Variants in CNTNAP5 observed in about 807,000 individuals in gnomAD.
CNTNAP5 encodes the protein contactin associated protein family member 5, also known as contactin-associated protein-like 5.
A neutral mutation model predicts 150.2 loss-of-function variants in CNTNAP5; 72 were observed. The ratio of observed to expected loss-of-function variants is 0.48; its 90% CI spans 0.40 to 0.58. The LOEUF (loss-of-function observed/expected upper bound fraction) is 0.58. CNTNAP5 is among the 20% of genes least tolerant of loss of function. The pLI is 0.00. For synonymous variants in CNTNAP5, 672 were observed against 619.8 expected (o/e 1.08, Z -1.25); for missense variants, 1,636 against 1,626.2 (o/e 1.01, Z -0.10).
intron 19 of CNTNAP5, among the ~76,000 whole-genome samples, chr2:124,849,600 T>C (rs1683115106): frequency 6.6e-6 from 1 of 152,220 alleles, no homozygotes; most frequent in Admixed American, 6.5e-5. Flanking sequence ...AAGAACTGCA[T>C]TGAATTTGTA....
intron 5 of CNTNAP5, among the ~76,000 whole-genome samples, chr2:124,436,439 T>C (rs919468356): frequency 2.0e-5 from 3 of 152,214 alleles, no homozygotes; most frequent in African/African-American, 7.2e-5. Flanking sequence ...GGTGGATGTC[T>C]TCTGAGCCTC....
At chr2:124,577,821 G>A (rs528190884) in intron 11 of CNTNAP5, among the ~76,000 whole-genome samples, 3 of 152,256 alleles carry the variant, frequency 2.0e-5, no homozygotes, top group South Asian at 2.1e-4. Flanking sequence ...ATGACAGAGG[G>A]TCAAGAATCA....
chr2:124,251,704 T>C (rs1349401616), intron 3 of CNTNAP5, among the ~76,000 whole-genome samples: 1 of 152,122 alleles, frequency 6.6e-6, no homozygotes, highest in Non-Finnish European at 1.5e-5. Flanking sequence ...TATGCACAGA[T>C]GGGCACATAG....
chr2:124,517,176 TGTTGTGGTGTTGGTGGTGGAGG>T lies in CNTNAP5; in HGVS notation c.1328-7096_1328-7075del, dbSNP rs1294769142. Among the ~76,000 whole-genome samples, 373 of 139,208 alleles carry T rather than the reference TGTTGTGGTGTTGGTGGTGGAGG, an allele frequency of 2.7e-3. 2 individuals are homozygous for T. The highest frequency in any genetic ancestry group is 4.2e-3 in the Non-Finnish European group (266 of 63,364). 91.3% of individuals were successfully genotyped at this position (139,208 alleles called of 152,430 possible). On this transcript the variant is annotated intron_variant, in intron 8 of 23. Coordinates refer to ENST00000682447, the MANE Select transcript of CNTNAP5 (RefSeq NM_001367498.1). ...GAGCATTGTGGTATTGGTGATGGAGTGTTGTGGTGTTGGTGGTGGAGGGTTGTGGTGTTGGTGGTGGAGGGTT... is the reference window on the plus strand; with the variant it reads ...GAGCATTGTGGTATTGGTGATGGAGTGTTGTGGTGTTGGTGGTGGAGGGTT...
At chr2:124,627,279 G>T (rs576443338) in intron 12 of CNTNAP5, among the ~76,000 whole-genome samples, 2 of 152,150 alleles carry the variant, frequency 1.3e-5, no homozygotes, top group South Asian at 4.1e-4. Flanking sequence ...TCCTGACTGG[G>T]TGAGACCTCC....
chr2:124,242,930 C>G (rs1403183823), intron 3 of CNTNAP5, among the ~76,000 whole-genome samples: 1 of 152,116 alleles, frequency 6.6e-6, no homozygotes, highest in Non-Finnish European at 1.5e-5. Flanking sequence ...AAAACTAAAA[C>G]TACAAAACAA....
intron 11 of CNTNAP5, among the ~76,000 whole-genome samples, chr2:124,579,901 G>T (rs191794091): frequency 1.6e-4 from 25 of 152,346 alleles, no homozygotes; most frequent in Admixed American, 1.3e-3. Context: ...CTGAGTTCAT[G>T]CACTAGGTTC....
intron 19 of CNTNAP5, among the ~76,000 whole-genome samples, chr2:124,800,195 T>C (rs1681937250): frequency 6.6e-6 from 1 of 152,202 alleles, no homozygotes; most frequent in South Asian, 2.1e-4. Flanking sequence ...CCTCTAATGA[T>C]GTCATTGGAC....
chr2:124,458,199 AATAT>A (rs35123483), intron 6 of CNTNAP5, among the ~76,000 whole-genome samples: 9 of 141,884 alleles, frequency 6.3e-5, no homozygotes, highest in African/African-American at 1.0e-4. Flanking sequence ...TAAAGAAACT[AATAT>A]ATATATATAT....
chr2:124,075,695 C>G (rs927649142), intron 1 of CNTNAP5, among the ~76,000 whole-genome samples: 6 of 152,108 alleles, frequency 3.9e-5, no homozygotes, highest in African/African-American at 1.4e-4. Flanking sequence ...GGAAGCAACA[C>G]AACTACACAT....
chr2:124,532,346 C>T (rs1318254906), intron 10 of CNTNAP5, among the ~76,000 whole-genome samples: 1 of 152,156 alleles, frequency 6.6e-6, no homozygotes, highest in Non-Finnish European at 1.5e-5. Context: ...TTCAGAGTGG[C>T]ATGCAATGTC....
Position 124,914,457 on chromosome 2 carries a change from G to T in CNTNAP5, c.*169G>T, listed in dbSNP as rs959760992. The T allele has an allele frequency of 2.8e-5, 17 of 611,158 alleles. No individual in the cohort carries two copies. The highest frequency in any genetic ancestry group is 4.9e-5 in the Non-Finnish European group (17 of 343,672). 37.9% of individuals were successfully genotyped at this position (611,158 alleles called of 1,614,324 possible). A position where few individuals can be genotyped will look rare whatever the true frequency, so the allele number is the denominator to read the frequency against. On this transcript the variant is annotated 3_prime_UTR_variant, in exon 24 of 24. Transcript: ENST00000682447. ...TCAATTCCCTTGATCCAGCCCAAGA[G>T]ACCAGGCAGCCATGGCCACTGCCTT...
At chr2:124,846,545 A>C (rs1173321726) in intron 19 of CNTNAP5, among the ~76,000 whole-genome samples, 1 of 152,180 alleles carries the variant, frequency 6.6e-6, no homozygotes, top group Non-Finnish European at 1.5e-5. Context: ...TAGCTTAAAA[A>C]TTGACCTTCT....
chr2:124,534,707 T>A (rs1695188904), intron 10 of CNTNAP5, among the ~76,000 whole-genome samples: 1 of 152,146 alleles, frequency 6.6e-6, no homozygotes, highest in Non-Finnish European at 1.5e-5. Flanking sequence ...ACCCCGTCTC[T>A]ACTGAAATAC....
chr2:124,655,055 C>T (rs2105036152), intron 13 of CNTNAP5, among the ~76,000 whole-genome samples: 1 of 151,946 alleles, frequency 6.6e-6, no homozygotes, highest in Non-Finnish European at 1.5e-5. Context: ...CATACATGTG[C>T]CATGGTGTTT....
chr2:124,756,963 GAAAGA>G (rs1332612822), intron 14 of CNTNAP5, among the ~76,000 whole-genome samples: 1 of 152,160 alleles, frequency 6.6e-6, no homozygotes, highest in Non-Finnish European at 1.5e-5. Context: ...AAAGGGGAAA[GAAAGA>G]AAAGTATAAA....
chr2:124,337,915 T>G (rs1425799279), intron 3 of CNTNAP5, among the ~76,000 whole-genome samples: 1 of 151,860 alleles, frequency 6.6e-6, no homozygotes, highest in South Asian at 2.1e-4. Flanking sequence ...GTGAAGAAAG[T>G]CATTGGTGGG....
Position 124,772,959 on chromosome 2 carries a change from C to A in CNTNAP5, c.2694C>A (p.Thr898=). 2 of 1,613,696 alleles carry A rather than the reference C, an allele frequency of 1.2e-6. 1 individual carries two copies. Among genetic ancestry groups the A allele is most frequent in the East Asian group, 4.5e-5 (2 of 44,852 alleles). ...AGGTGGACAACCTTCCAAGGAGCACCAGGGAGACGTCGGAGGAGGGCCATT... is the reference window on the plus strand; with the variant it reads ...AGGTGGACAACCTTCCAAGGAGCACAAGGGAGACGTCGGAGGAGGGCCATT... ...SLQVDNLPRS[T]RETSEEGHFR... Residue 898 remains threonine (T), a synonymous_variant, in exon 17 of 24, where the codon ACC becomes ACA. Coordinates refer to ENST00000682447, the MANE Select transcript of CNTNAP5 (RefSeq NM_001367498.1).
At chr2:124,198,938 A>G (rs1685654177) in intron 1 of CNTNAP5, among the ~76,000 whole-genome samples, 1 of 151,606 alleles carries the variant, frequency 6.6e-6, no homozygotes, top group Non-Finnish European at 1.5e-5. Context: ...GACCAAGTCT[A>G]TCATAAACCA....
Sources: allele counts gnomAD v4.1 joint callset (sites outside exome capture counted in the v4.1 genomes callset), GRCh38; gene constraint gnomAD v4.1.1; transcripts MANE v1.5; gene names NCBI Gene and HGNC (gene_info 2026-07-23, HGNC 2026-07-21).